The following PLXNA4 variants were observed in gnomAD, a reference collection of about 807,000 sequenced individuals.
The protein encoded by PLXNA4 is plexin-A4.
In PLXNA4, 44 loss-of-function variants were observed where a neutral mutation model predicts 191.8. That is an observed-to-expected ratio of 0.23 (90% CI 0.18 to 0.29). The LOEUF (loss-of-function observed/expected upper bound fraction) is 0.29, where lower values mean the gene tolerates loss of function less well. Among genes scored for constraint, PLXNA4 ranks in the 10% least tolerant of loss-of-function variants. The pLI is 1.00. For synonymous variants in PLXNA4, 1,082 were observed against 1,009.5 expected (o/e 1.07, Z -1.36); for missense variants, 1,800 against 2,488.8 (o/e 0.72, Z 5.89).
chr7:132,647,456 TAC>T (rs944187264), intron 1 of PLXNA4, among the ~76,000 whole-genome samples: 3 of 151,672 alleles, frequency 2.0e-5, no homozygotes, highest in South Asian at 2.1e-4. Flanking sequence ...CACACTTACA[TAC>T]ACAGTCACAC....
At chr7:132,369,600 GAGA>G (rs376512811) in intron 3 of PLXNA4, among the ~76,000 whole-genome samples, 110 of 152,276 alleles carry the variant, frequency 7.2e-4, no homozygotes, top group East Asian at 3.9e-3. Context: ...TGTGTTGACA[GAGA>G]AGGACATCCC....
intron 3 of PLXNA4, among the ~76,000 whole-genome samples, chr7:132,408,052 C>A (rs1044204002): frequency 2.6e-5 from 4 of 151,770 alleles, no homozygotes; most frequent in Non-Finnish European, 4.4e-5. Flanking sequence ...AAAAAAAAGA[C>A]CTTTATGCAC....
intron 4 of PLXNA4, among the ~76,000 whole-genome samples, chr7:132,282,302 A>G (rs1895630): frequency 0.016 from 2,372 of 152,208 alleles, 66 homozygotes; most frequent in African/African-American, 0.054. Flanking sequence ...GCCAGGTGCA[A>G]TGGCTCACGC....
intron 3 of PLXNA4, among the ~76,000 whole-genome samples, chr7:132,442,976 C>T (rs1180789150): frequency 3.3e-5 from 5 of 152,302 alleles, no homozygotes; most frequent in Non-Finnish European, 5.9e-5. Flanking sequence ...AGAGTCGGCT[C>T]TGCTTACCCA....
chr7:132,217,965 T>C (rs1228976696), intron 9 of PLXNA4, among the ~76,000 whole-genome samples: 1 of 146,712 alleles, frequency 6.8e-6, no homozygotes, highest in Non-Finnish European at 1.5e-5. Context: ...GTGGTTTGGT[T>C]CCCTTGGGTT....
intron 3 of PLXNA4, among the ~76,000 whole-genome samples, chr7:132,339,469 G>T (rs973646536): frequency 1.3e-5 from 2 of 152,152 alleles, no homozygotes; most frequent in African/African-American, 2.4e-5. Context: ...CACATGAAAA[G>T]ATTTGTTTTA....
At chr7:132,382,487 T>C (rs1804937387) in intron 3 of PLXNA4, among the ~76,000 whole-genome samples, 2 of 152,174 alleles carry the variant, frequency 1.3e-5, no homozygotes, top group Admixed American at 6.5e-5. Flanking sequence ...GATCCAAATA[T>C]GAGGTCCCCG....
chr7:132,297,682 T>G (rs1801141029), intron 4 of PLXNA4, among the ~76,000 whole-genome samples: 1 of 152,100 alleles, frequency 6.6e-6, no homozygotes, highest in African/African-American at 2.4e-5. Flanking sequence ...TTAACTACAC[T>G]CTTTTGGCAA....
At chr7:132,267,339 A>G (rs1260018831) in intron 4 of PLXNA4, among the ~76,000 whole-genome samples, 2 of 152,192 alleles carry the variant, frequency 1.3e-5, no homozygotes, top group Admixed American at 6.5e-5. Flanking sequence ...ACCATTTCCA[A>G]TCCTTGGACA....
At chr7:132,580,817 C>G (rs894848978), upstream of PLXNA4, among the ~76,000 whole-genome samples, 1 of 152,190 alleles carries the variant, frequency 6.6e-6, no homozygotes, top group Non-Finnish European at 1.5e-5. Flanking sequence ...AAGAGCTGCC[C>G]CCATGGCTGG....
intron 4 of PLXNA4, among the ~76,000 whole-genome samples, chr7:132,296,994 T>C (rs1011924880): frequency 6.6e-6 from 1 of 151,976 alleles, no homozygotes. Flanking sequence ...GAAGATGTCA[T>C]CGAGCTCTTG....
intron 29 of PLXNA4, among the ~76,000 whole-genome samples, chr7:132,141,844 C>T (rs1489732295): frequency 1.3e-5 from 2 of 152,150 alleles, no homozygotes; most frequent in African/African-American, 4.8e-5. Flanking sequence ...ATTCTTCTGC[C>T]TCAGCCTCCT....
At chr7:132,359,209 CTTTTTT>C (rs57415453) in intron 3 of PLXNA4, among the ~76,000 whole-genome samples, 3 of 110,898 alleles carry the variant, frequency 2.7e-5, no homozygotes, top group South Asian at 3.2e-4. Flanking sequence ...GTCAAGGCTG[CTTTTTT>C]TTTTTTTTTT....
chr7:132,212,911 G>A (rs1268462178), intron 9 of PLXNA4, among the ~76,000 whole-genome samples: 17 of 152,174 alleles, frequency 1.1e-4, no homozygotes, highest in Admixed American at 9.2e-4. Context: ...CTGGGTTTAC[G>A]TGCCCAGAGG....
chr7:132,505,759 C>A (rs76521340), intron 2 of PLXNA4, among the ~76,000 whole-genome samples: 527 of 152,278 alleles, frequency 3.5e-3, no homozygotes, highest in African/African-American at 0.012. Flanking sequence ...ATACATCTCA[C>A]CACAGACCCA....
chr7:132,348,444 G>T (rs752090469), intron 3 of PLXNA4, among the ~76,000 whole-genome samples: 3 of 152,206 alleles, frequency 2.0e-5, no homozygotes, highest in South Asian at 4.1e-4. Context: ...ATGAAGGAAG[G>T]TTAGTCCGTC....
chr7:132,165,289 A>T (rs1796089335), intron 22 of PLXNA4, 89 bp from the exon 23 acceptor site: 1 of 1,515,262 alleles, frequency 6.6e-7, no homozygotes, highest in African/African-American at 1.4e-5. Flanking sequence ...GCAAGGGAGG[A>T]ATTGTGCATT....
chr7:132,310,900 G>C (rs1254431745), intron 3 of PLXNA4, among the ~76,000 whole-genome samples: 1 of 152,214 alleles, frequency 6.6e-6, no homozygotes, highest in Non-Finnish European at 1.5e-5. Flanking sequence ...ACAAGGGGCA[G>C]AGGTGCAACT....
At chr7:132,401,922 G>C (rs1173559962) in intron 3 of PLXNA4, among the ~76,000 whole-genome samples, 1 of 152,116 alleles carries the variant, frequency 6.6e-6, no homozygotes, top group African/African-American at 2.4e-5. Context: ...AGAGGGGGAG[G>C]CTGGAGAGGC....
Sources: allele counts gnomAD v4.1 joint callset (sites outside exome capture counted in the v4.1 genomes callset), GRCh38; gene constraint gnomAD v4.1.1; transcripts MANE v1.5; gene names NCBI Gene and HGNC (gene_info 2026-07-23, HGNC 2026-07-21).